CRLF3: variants seen among roughly 807,000 people sequenced by gnomAD.
The protein encoded by CRLF3 is cytokine receptor like factor 3.
A neutral mutation model predicts 55.0 loss-of-function variants in CRLF3; 33 were observed. That is an observed-to-expected ratio of 0.60 (90% confidence interval 0.46 to 0.80). CRLF3 has a LOEUF of 0.80. Ranked by LOEUF, CRLF3 falls within the 30% of genes least tolerant of loss-of-function variation. CRLF3 has a pLI of 0.00. For missense variants in CRLF3, 494 were observed against 538.4 expected, an observed-to-expected ratio of 0.92 and a Z score of 0.82; for synonymous variants, 238 against 196.8, an observed-to-expected ratio of 1.21 and a Z score of -1.75.
At chr17:30,784,749 A>C (rs1597909498) in intron 7 of CRLF3, 1 of 232,974 alleles carries the variant, frequency 4.3e-6, no homozygotes, top group Non-Finnish European at 8.4e-6. Context: ...TTCTTGACTC[A>C]CCAACACAAT....
Position 30,808,277 on chromosome 17 carries a change from A to ATT in CRLF3, c.130-4171_130-4170dup, listed in dbSNP as rs71138901. Among the ~76,000 whole-genome samples the ATT allele has an allele frequency of 5.5e-5, 3 of 54,896 alleles. No homozygotes were observed. The East Asian group carries it at 1.6e-3, about 30-fold the overall frequency. The allele number at this position is 54,896 out of a possible 152,430, so 36.0% of individuals were successfully genotyped here. A position where few individuals can be genotyped will look rare whatever the true frequency, so the allele number is the denominator to read the frequency against. On this transcript the variant is annotated intron_variant, in intron 1 of 7. Coordinates refer to ENST00000324238, the MANE Select transcript of CRLF3 (RefSeq NM_015986.4). The stretch of plus-strand genomic sequence containing the variant: ...TTCCTCCTCCTCCCCTAGAACCTAT[A>ATT]TTTTTTTTTTTTTTTTTTTTTTTTT...
chr17:30,803,123 C>T (rs1054741635), intron 2 of CRLF3, among the ~76,000 whole-genome samples: 2 of 151,364 alleles, frequency 1.3e-5, no homozygotes, highest in Non-Finnish European at 2.9e-5. Context: ...TCTGACAGCA[C>T]CACTGCACTC....
chr17:30,821,172 C>G (rs1904985308), intron 1 of CRLF3, among the ~76,000 whole-genome samples: 1 of 151,708 alleles, frequency 6.6e-6, no homozygotes, highest in African/African-American at 2.4e-5. Context: ...AACCCCATCT[C>G]TACCAAAAAT....
At chr17:30,800,535 CCATCA>C (rs956712437) in intron 2 of CRLF3, among the ~76,000 whole-genome samples, 2 of 152,026 alleles carry the variant, frequency 1.3e-5, no homozygotes, top group Non-Finnish European at 2.9e-5. Flanking sequence ...CCTTTCCCCT[CCATCA>C]CATATGTAGG....
chr17:30,803,697 G>A (rs990371268), intron 2 of CRLF3: 5 of 569,710 alleles, frequency 8.8e-6, no homozygotes, highest in East Asian at 3.0e-5. Flanking sequence ...AACCCCTTTC[G>A]CTTGGCTCTC....
chr17:30,824,385 A>C, intron 1 of CRLF3, 138 bp downstream of exon 1: 2 of 823,318 alleles, frequency 2.4e-6, no homozygotes, highest in South Asian at 2.4e-5. Context: ...AGACTCCATT[A>C]GGTCTCCTTT....
At position 30,793,902 on chromosome 17, in the gene CRLF3, G is replaced by A. The variant is rs111430499; in HGVS notation, c.604-230C>T. ...CACCCAGGCTGTAGTGCAGTGGCGTGATCTCGGCTTATTGCAGCCTCCACA... is the reference window on the plus strand; with the variant it reads ...CACCCAGGCTGTAGTGCAGTGGCGTAATCTCGGCTTATTGCAGCCTCCACA... On this transcript the variant is annotated intron_variant, in intron 4 of 7. Coordinates refer to ENST00000324238, the MANE Select transcript of CRLF3 (RefSeq NM_015986.4). 1.0e-2 allele frequency among the ~76,000 whole-genome samples: 1,519 copies of A among 151,918 alleles called. 28 individuals carry two copies. The highest frequency in any genetic ancestry group is 0.035 in the African/African-American group (1,467 of 41,406).
intron 1 of CRLF3, among the ~76,000 whole-genome samples, chr17:30,812,297 AGC>A (rs1350193198): frequency 6.6e-6 from 1 of 152,108 alleles, no homozygotes; most frequent in East Asian, 1.9e-4. Flanking sequence ...ATACAGCAGC[AGC>A]TATTATCTAC....
chr17:30,784,425 C>T lies in CRLF3; in HGVS notation c.1091G>A (p.Gly364Glu). 1 of 1,612,500 alleles carries T rather than the reference C, an allele frequency of 6.2e-7. No homozygotes were observed. The highest frequency in any genetic ancestry group is 8.5e-7 in the Non-Finnish European group (1 of 1,178,714). The change falls in exon 8 of 8, where the codon GGA (glycine) becomes GAA (glutamate). Residue 364 changes from glycine to glutamate, a missense_variant. Gly to Glu is a moderately conservative substitution (Grantham distance 98, BLOSUM62 -2). Coordinates refer to ENST00000324238, the MANE Select transcript of CRLF3 (RefSeq NM_015986.4). ...ISTNGAVFVN[G>E]KEMTNQLPAV... The stretch of plus-strand genomic sequence containing the variant: ...GGGTAACTGATTTGTCATTTCTTTT[C>T]CATTGACAAAAACTGCACCTAAAAT...
chr17:30,800,274 G>T lies in CRLF3; in HGVS notation c.338-2876C>A, dbSNP rs116305706. Among the ~76,000 whole-genome samples, 1,337 of 152,190 alleles carry T rather than the reference G, an allele frequency of 8.8e-3. 20 individuals carry two copies. The highest frequency in any genetic ancestry group is 0.03 in the African/African-American group (1,259 of 41,530). ...CATTACACGGTGTCCCTTGATGATT[G>T]TACTTATTCCAATAGATTCAGATTT... On this transcript the variant is annotated intron_variant, in intron 2 of 7. Transcript: ENST00000324238.
At chr17:30,811,803 CAAAA>C (rs915710879) in intron 1 of CRLF3, among the ~76,000 whole-genome samples, 2 of 27,752 alleles carry the variant, frequency 7.2e-5, no homozygotes, top group Non-Finnish European at 1.2e-4. Context: ...GACTCTGTCT[CAAAA>C]AAAAAAAAAA....
intron 6 of CRLF3, chr17:30,787,542 A>AAAAATT (rs1351127064): frequency 6.6e-6 from 1 of 152,202 alleles, no homozygotes; most frequent in Admixed American, 6.5e-5. Flanking sequence ...GGACAAAAAA[A>AAAAATT]AAAATTAGTG....
At chr17:30,815,335 C>A (rs1904762681) in intron 1 of CRLF3, among the ~76,000 whole-genome samples, 1 of 151,648 alleles carries the variant, frequency 6.6e-6, no homozygotes, top group Non-Finnish European at 1.5e-5. Context: ...ATCCACCCGC[C>A]TTGGCCTCCC....
intron 2 of CRLF3, among the ~76,000 whole-genome samples, chr17:30,797,873 C>T (rs1971945186): frequency 1.3e-5 from 2 of 148,700 alleles, no homozygotes; most frequent in African/African-American, 5.0e-5. Flanking sequence ...CTTCCAGGTT[C>T]AAGCAATCCT....
In CRLF3 at chr17:30,783,913, C is replaced by T; in HGVS notation, c.*274G>A. ...AGAAGTACAGTGGAAGGGTATAGAA[C>T]TTCCTATATCTTCTATACTTTTAAT... On this transcript the variant is annotated 3_prime_UTR_variant, in exon 8 of 8. Coordinates refer to ENST00000324238, the MANE Select transcript of CRLF3 (RefSeq NM_015986.4). 3.0e-6 allele frequency: 1 copy of T among 332,946 alleles called. No individual in the cohort carries two copies. 20.6% of individuals were successfully genotyped at this position (332,946 alleles called of 1,614,324 possible). A position where few individuals can be genotyped will look rare whatever the true frequency, so the allele number is the denominator to read the frequency against.
chr17:30,784,357 C>G lies in CRLF3; in HGVS notation c.1159G>C (p.Val387Leu). 3.1e-6 allele frequency: 5 copies of G among 1,614,022 alleles called. No homozygotes were observed. Among genetic ancestry groups the G allele is most frequent in the Non-Finnish European group, 4.2e-6 (5 of 1,179,918 alleles). ...GSTVTFDIEA[V>L]TLGTTSNNEG... ...TTATTACTGGTGGTTCCTAGAGTCA[C>G]GGCTTCAATGTCAAACGTGACAGTG... Residue 387 changes from valine to leucine, a missense_variant, in exon 8 of 8, where the codon GTG (valine) becomes CTG (leucine). Val to Leu is a conservative substitution (Grantham distance 32). Coordinates refer to ENST00000324238, the MANE Select transcript of CRLF3 (RefSeq NM_015986.4).
intron 7 of CRLF3, chr17:30,784,753 A>C: frequency 1.3e-5 from 3 of 231,164 alleles, no homozygotes; most frequent in South Asian, 7.7e-5. Flanking sequence ...TGACTCACCA[A>C]CACAATTTTT....
intron 2 of CRLF3, among the ~76,000 whole-genome samples, chr17:30,798,005 TTGAAAAGCCAAATGA>T (rs1475414395): frequency 7.3e-6 from 1 of 136,636 alleles, no homozygotes; most frequent in African/African-American, 2.7e-5. Flanking sequence ...GGCATAAGGC[TTGAAAAGCCAAATGA>T]TGCATCTATG....
At chr17:30,818,375 G>T (rs959957550) in intron 1 of CRLF3, among the ~76,000 whole-genome samples, 1 of 151,896 alleles carries the variant, frequency 6.6e-6, no homozygotes, top group Non-Finnish European at 1.5e-5. Context: ...ATTATACACA[G>T]ATTTTTGTAG....
Sources: gnomAD v4.1 joint callset for allele counts (sites outside exome capture counted in the v4.1 genomes callset) on GRCh38, gnomAD v4.1.1 for gene constraint, MANE v1.5 for transcripts, NCBI Gene and HGNC (gene_info 2026-07-23, HGNC 2026-07-21) for gene names.